USP32: variants seen among roughly 807,000 people sequenced by gnomAD.
The protein encoded by USP32 is ubiquitin carboxyl-terminal hydrolase 32.
A neutral mutation model predicts 204.8 loss-of-function variants in USP32; 59 were observed. The observed-to-expected ratio is 0.29, with a 90% CI of 0.23 to 0.36. The LOEUF is 0.36. Among genes scored for constraint, USP32 ranks in the 10% least tolerant of loss-of-function variants. The pLI is 1.00. For missense variants in USP32, 1,160 were observed against 1,946.4 expected, an observed-to-expected ratio of 0.60 and a Z score of 7.60; for synonymous variants, 517 against 678.4, an observed-to-expected ratio of 0.76 and a Z score of 3.70.
chr17:60,288,483 A>AT, intron 5 of USP32, 40 bp downstream of exon 5: 1 of 1,557,282 alleles, frequency 6.4e-7, no homozygotes, highest in Admixed American at 2.2e-5. Context: ...TATATATATA[A>AT]AAAAAGGCAA....
At chr17:60,180,154 T>C (rs1317998060) in intron 33 of USP32, among the ~76,000 whole-genome samples, 1 of 151,702 alleles carries the variant, frequency 6.6e-6, no homozygotes, top group Non-Finnish European at 1.5e-5. Context: ...GCCTCCCGAG[T>C]AGCTGGGATT....
At chr17:60,290,096 A>T (rs1268174664) in intron 4 of USP32, among the ~76,000 whole-genome samples, 1 of 152,170 alleles carries the variant, frequency 6.6e-6, no homozygotes, top group Non-Finnish European at 1.5e-5. Context: ...GGCCCGGGGT[A>T]GAAAGCATTC....
chr17:60,253,129 C>A (rs183976607), intron 10 of USP32, among the ~76,000 whole-genome samples: 1 of 152,118 alleles, frequency 6.6e-6, no homozygotes, highest in African/African-American at 2.4e-5. Flanking sequence ...AATAGTGCCA[C>A]TCCAAGTCCT....
intron 2 of USP32, among the ~76,000 whole-genome samples, chr17:60,327,122 C>T (rs2088259852): frequency 6.6e-6 from 1 of 152,136 alleles, no homozygotes; most frequent in South Asian, 2.1e-4. Flanking sequence ...GCTAGACGAC[C>T]AGATTTTTTA....
At chr17:60,262,955 T>G (rs929935524) in intron 9 of USP32, among the ~76,000 whole-genome samples, 1 of 146,742 alleles carries the variant, frequency 6.8e-6, no homozygotes, top group Non-Finnish European at 1.5e-5. Flanking sequence ...GGTGCTAACC[T>G]TTTTTTTTTT....
intron 1 of USP32, among the ~76,000 whole-genome samples, chr17:60,401,048 TAGG>T (rs1193501197): frequency 6.6e-6 from 1 of 151,728 alleles, no homozygotes; most frequent in Non-Finnish European, 1.5e-5. Flanking sequence ...CCCAGCTACT[TAGG>T]AGGCTGTGGT....
intron 1 of USP32, among the ~76,000 whole-genome samples, chr17:60,411,581 C>T (rs1195204957): frequency 6.8e-6 from 1 of 146,056 alleles, no homozygotes; most frequent in Non-Finnish European, 1.5e-5. Flanking sequence ...CACTATGTTC[C>T]CCTGGCTGGT....
intron 1 of USP32, among the ~76,000 whole-genome samples, chr17:60,387,691 TAAACC>T (rs1479039461): frequency 5.1e-4 from 77 of 152,168 alleles, no homozygotes; most frequent in Non-Finnish European, 9.1e-4. Context: ...TACCTCCCAA[TAAACC>T]CATCATAAGT....
chr17:60,312,532 C>CCTCCCAAGAGTCCCTGGGAGTCTGAGGA (rs2087879092), intron 2 of USP32, among the ~76,000 whole-genome samples: 1 of 151,720 alleles, frequency 6.6e-6, no homozygotes, highest in African/African-American at 2.4e-5. Flanking sequence ...CTCAAGTGAT[C>CCTCCCAAGAGTCCCTGGGAGTCTGAGGA]CTCCCAAGAG....
chr17:60,196,270 C>CAAAAAAAAAAAAAAAAAAAA (rs749074954), intron 27 of USP32, among the ~76,000 whole-genome samples: 1 of 129,240 alleles, frequency 7.7e-6, no homozygotes, highest in African/African-American at 3.5e-5. Flanking sequence ...ATCCCCACGC[C>CAAAAAAAAAAAAAAAAAAAA]AAAAAAAGAA....
At position 60,197,806 on chromosome 17, in the gene USP32, T is replaced by A. The variant is rs1164847586; in HGVS notation, c.3434+454A>T. Among the ~76,000 whole-genome samples the A allele has an allele frequency of 5.3e-5, 8 of 152,216 alleles. No homozygotes were observed. The East Asian group carries it at 9.7e-4, about 18-fold the overall frequency. On this transcript the variant is annotated intron_variant, in intron 27 of 33. Coordinates refer to ENST00000300896, the MANE Select transcript of USP32 (RefSeq NM_032582.4). The stretch of plus-strand genomic sequence containing the variant: ...GAAATTACTTCACGTTAAAATGACA[T>A]GGTAAGGGAAAAAGAAAAAAGAATG...
intron 9 of USP32, among the ~76,000 whole-genome samples, chr17:60,264,857 C>CAAAAAAA (rs34027846): frequency 2.3e-5 from 1 of 43,506 alleles, no homozygotes; most frequent in African/African-American, 8.7e-5. Context: ...AAGACTCTGT[C>CAAAAAAA]AAAAAAAAAA....
In USP32 at chr17:60,416,548, A is replaced by G. The variant is rs141916071; in HGVS notation, c.106+5698T>C. ...TTTGTTGAATGACTTGATTTGCCCT[A>G]TAGAGTCATTTTATGCCGACCAATG... On this transcript the variant is annotated intron_variant, in intron 1 of 3. Transcript: ENST00000588898. Among the ~76,000 whole-genome samples the G allele has an allele frequency of 2.6e-5, 4 of 152,252 alleles. No homozygotes were observed. In the East Asian group the frequency reaches 5.8e-4, roughly 22 times the overall value.
chr17:60,251,117 A>AT (rs1453856236), intron 11 of USP32, among the ~76,000 whole-genome samples: 1 of 151,552 alleles, frequency 6.6e-6, no homozygotes, highest in Non-Finnish European at 1.5e-5. Context: ...TAATTTTTGT[A>AT]TTTTTTGTAA....
At chr17:60,257,812 A>C (rs1211234206) in intron 9 of USP32, among the ~76,000 whole-genome samples, 1 of 151,562 alleles carries the variant, frequency 6.6e-6, no homozygotes, top group Non-Finnish European at 1.5e-5. Flanking sequence ...TTTTTCCTTC[A>C]ATCTGCTATT....
At chr17:60,238,448 G>A (rs1301238179) in intron 11 of USP32, among the ~76,000 whole-genome samples, 2 of 151,814 alleles carry the variant, frequency 1.3e-5, no homozygotes, top group African/African-American at 4.8e-5. Context: ...CAGGCGAATC[G>A]CTTGAGCCCA....
Position 60,219,783 on chromosome 17 carries a change from A to G in USP32, c.1754T>C (p.Ile585Thr). 3 of 1,610,344 alleles carry G rather than the reference A, an allele frequency of 1.9e-6. No individual in the cohort carries two copies. The highest frequency in any genetic ancestry group is 2.5e-6 in the Non-Finnish European group (3 of 1,178,514). ...TGGGATGTCTGTCTTGCTGTTCTTG[A>G]TAACCTATTGTTTTAAAAGATAAAA... ...GANLALPRPV[I>T]KNSKTDIPEL... The change falls in exon 16 of 34, where the codon ATC becomes ACC. Residue 585 changes from isoleucine to threonine, a missense_variant. Physicochemically the swap from Ile to Thr is moderately conservative, Grantham distance 89 (BLOSUM62 -1). Around this residue, in one of 8 missense-constraint regions of USP32, gnomAD observed 37 missense variants for 62.6 expected, o/e 0.59. Coordinates refer to ENST00000300896, the MANE Select transcript of USP32 (RefSeq NM_032582.4).
rs758742305 is a variant in USP32, at chr17:60,180,651, G to A, written c.4549-14C>T. 1 of 1,612,302 alleles carries A rather than the reference G, an allele frequency of 6.2e-7. No homozygotes were observed. The highest frequency in any genetic ancestry group is 1.1e-5 in the South Asian group (1 of 90,998). ...TCCTGAATGGCACTGTAAGAGATAAGAGAGTGGAGGTATGTTAGCAGTTAA... is the reference window on the plus strand; with the variant it reads ...TCCTGAATGGCACTGTAAGAGATAAAAGAGTGGAGGTATGTTAGCAGTTAA... On this transcript the variant is annotated splice_polypyrimidine_tract_variant and intron_variant, in intron 32 of 33. Transcript: ENST00000300896.
intron 7 of USP32, among the ~76,000 whole-genome samples, chr17:60,268,390 A>G (rs2086647690): frequency 6.8e-6 from 1 of 146,686 alleles, no homozygotes; most frequent in Non-Finnish European, 1.5e-5. Flanking sequence ...GCAACATAAC[A>G]AGACACTATC....
Sources: allele counts gnomAD v4.1 joint callset (sites outside exome capture counted in the v4.1 genomes callset), GRCh38; gene constraint gnomAD v4.1.1; regional missense constraint gnomAD v4.1.1; transcripts MANE v1.5; gene names NCBI Gene and HGNC (gene_info 2026-07-23, HGNC 2026-07-21).